The following STK3 variants were observed in gnomAD, a reference collection of about 807,000 sequenced individuals.
The protein encoded by STK3 is serine/threonine-protein kinase 3.
In STK3, 41 loss-of-function variants were observed where a neutral mutation model predicts 58.0. The observed-to-expected ratio is 0.71, with a 90% CI of 0.55 to 0.92. The LOEUF (loss-of-function observed/expected upper bound fraction) is 0.92. Among genes scored for constraint, STK3 ranks in the 40% least tolerant of loss-of-function variants. The probability of loss-of-function intolerance (pLI) is 0.00; values close to 1 mark genes in which losing one functional copy is unlikely to be tolerated. For synonymous variants in STK3, 170 were observed against 191.0 expected (o/e 0.89, Z 0.91); for missense variants, 479 against 602.7 (o/e 0.79, Z 2.15).
rs538254882 is a variant in STK3 at position 98,856,133 on chromosome 8, C to T, written c.110+27514G>A. Among the ~76,000 whole-genome samples the T allele has an allele frequency of 1.5e-4, 18 of 121,854 alleles. No individual in the cohort carries two copies. In the Admixed American group the frequency reaches 1.6e-3, roughly 11 times the overall value. The allele number at this position is 121,854 out of a possible 152,430, so 79.9% of individuals were successfully genotyped here. A position where few individuals can be genotyped will look rare whatever the true frequency, so the allele number is the denominator to read the frequency against. Reference sequence around the variant, plus strand: ...TCACACCACTGCACTCCAACTTGGGCGAAAAGAGAGAGACTCCATCTCAAA... The same window carrying T: ...TCACACCACTGCACTCCAACTTGGGTGAAAAGAGAGAGACTCCATCTCAAA... On this transcript the variant is annotated intron_variant, in intron 3 of 12. Transcript: ENST00000523601.
intron 6 of STK3, among the ~76,000 whole-genome samples, chr8:98,674,053 G>A (rs897326091): frequency 6.6e-6 from 1 of 152,012 alleles, no homozygotes; most frequent in Non-Finnish European, 1.5e-5. Context: ...AGGAACTCTC[G>A]CTTCCTCCAA....
At chr8:98,810,350 C>T (rs1426148539) in intron 1 of STK3, among the ~76,000 whole-genome samples, 1 of 152,076 alleles carries the variant, frequency 6.6e-6, no homozygotes, top group Non-Finnish European at 1.5e-5. Flanking sequence ...ACACTGTTTC[C>T]CACAGTGGGT....
intron 1 of STK3, among the ~76,000 whole-genome samples, chr8:98,779,361 A>G (rs1458936845): frequency 6.6e-6 from 1 of 152,204 alleles, no homozygotes; most frequent in Non-Finnish European, 1.5e-5. Flanking sequence ...CTTATGCATG[A>G]GCAAGTATAA....
chr8:98,360,765 G>C, the STK3 span, among the ~76,000 whole-genome samples: 2 of 150,732 alleles, frequency 1.3e-5, no homozygotes, highest in African/African-American at 4.8e-5. Flanking sequence ...AAATGTCAAA[G>C]TAAAGTAGTC....
intron 10 of STK3, among the ~76,000 whole-genome samples, chr8:98,492,701 C>G (rs546087512): frequency 4.6e-5 from 7 of 152,106 alleles, no homozygotes; most frequent in East Asian, 3.9e-4. Context: ...GGCAAGAGAA[C>G]TGATAAAAAG....
intron 6 of STK3, among the ~76,000 whole-genome samples, chr8:98,614,972 G>A (rs1395455848): frequency 1.3e-5 from 2 of 152,196 alleles, no homozygotes; most frequent in East Asian, 1.9e-4. Context: ...GTTCAAGGAG[G>A]CCTGCCTGCC....
intron 1 of STK3, among the ~76,000 whole-genome samples, chr8:98,891,669 A>G (rs1475953545): frequency 6.6e-6 from 1 of 151,330 alleles, no homozygotes; most frequent in Non-Finnish European, 1.5e-5. Flanking sequence ...GCTTAGATAT[A>G]AACAGTAGTA....
At chr8:98,632,681 A>G (rs866397620) in intron 6 of STK3, among the ~76,000 whole-genome samples, 1 of 152,222 alleles carries the variant, frequency 6.6e-6, no homozygotes, top group Non-Finnish European at 1.5e-5. Context: ...ACTGCACTAA[A>G]AAAATATGCA....
chr8:98,552,516 A>G (rs1200661176), intron 8 of STK3, among the ~76,000 whole-genome samples: 3 of 152,164 alleles, frequency 2.0e-5, no homozygotes, highest in East Asian at 3.9e-4. Context: ...CATTCTAAAC[A>G]TGTTCTTCCT....
chr8:98,652,180 G>C (rs938684795), intron 6 of STK3, among the ~76,000 whole-genome samples: 12 of 152,250 alleles, frequency 7.9e-5, no homozygotes, highest in East Asian at 3.9e-4. Flanking sequence ...CAATATTCAA[G>C]ATTATTAAAG....
intron 10 of STK3, among the ~76,000 whole-genome samples, chr8:98,477,683 G>A (rs1330403543): frequency 1.5e-5 from 2 of 129,338 alleles, no homozygotes; most frequent in African/African-American, 2.9e-5. Context: ...GGCTAGCCTC[G>A]CATAATCATC....
intron 10 of STK3, among the ~76,000 whole-genome samples, chr8:98,486,527 T>G (rs1822276912): frequency 6.6e-6 from 1 of 152,200 alleles, no homozygotes; most frequent in Non-Finnish European, 1.5e-5. Context: ...TAATGTTTCT[T>G]ATTTTCACAT....
At chr8:98,537,840 G>C (rs919134980) in intron 9 of STK3, among the ~76,000 whole-genome samples, 1 of 151,984 alleles carries the variant, frequency 6.6e-6, no homozygotes, top group South Asian at 2.1e-4. Flanking sequence ...AAAGAAAAAG[G>C]TTGCTTTTCA....
At chr8:98,648,640 C>A (rs1820601696) in intron 6 of STK3, among the ~76,000 whole-genome samples, 1 of 152,152 alleles carries the variant, frequency 6.6e-6, no homozygotes, top group Non-Finnish European at 1.5e-5. Flanking sequence ...AGCCTGTAAT[C>A]CCTGTACTTC....
intron 1 of STK3, among the ~76,000 whole-genome samples, chr8:98,799,205 A>T (rs1833364610): frequency 6.6e-6 from 1 of 152,204 alleles, no homozygotes; most frequent in South Asian, 2.1e-4. Context: ...TGAATCAAAG[A>T]TAAAAGCAAT....
chr8:98,746,544 C>T (rs557114039), intron 4 of STK3, among the ~76,000 whole-genome samples: 4 of 151,614 alleles, frequency 2.6e-5, no homozygotes, highest in Non-Finnish European at 5.9e-5. Context: ...GCCCAGGAGG[C>T]CGGGGCTATA....
chr8:98,503,343 GA>G (rs879241473), intron 10 of STK3, among the ~76,000 whole-genome samples: 1 of 151,928 alleles, frequency 6.6e-6, no homozygotes, highest in Non-Finnish European at 1.5e-5. Context: ...GATCTTTTCA[GA>G]AAAACCAGCT....
intron 6 of STK3, chr8:98,633,588 T>C (rs1255335545): frequency 2.7e-6 from 2 of 743,714 alleles, no homozygotes; most frequent in African/African-American, 1.7e-5. Flanking sequence ...TGTCTTTCAG[T>C]CAGCAGTCTC....
At chr8:98,938,855 G>C (rs1305175778) in intron 1 of STK3, among the ~76,000 whole-genome samples, 2 of 152,050 alleles carry the variant, frequency 1.3e-5, no homozygotes, top group Non-Finnish European at 2.9e-5. Context: ...GAATGACATC[G>C]GCACGGACAA....
Sources: gnomAD v4.1 joint callset for allele counts (sites outside exome capture counted in the v4.1 genomes callset) on GRCh38, gnomAD v4.1.1 for gene constraint, MANE v1.5 for transcripts, NCBI Gene and HGNC (gene_info 2026-07-23, HGNC 2026-07-21) for gene names.